Variants in OR56A3 observed in about 807,000 individuals in gnomAD.
OR56A3 encodes the protein olfactory receptor 56A3.
A neutral mutation model predicts 17.5 loss-of-function variants in OR56A3; 23 were observed. The ratio of observed to expected loss-of-function variants is 1.32; its 90% CI spans 0.95 to 1.87. OR56A3 has a LOEUF of 1.87. Among genes scored for constraint, OR56A3 ranks in the 40% most tolerant of loss-of-function variants. The pLI is 0.00. For synonymous variants in OR56A3, 175 were observed against 150.6 expected (o/e 1.16, Z -1.19); for missense variants, 366 against 380.1 (o/e 0.96, Z 0.31).
chr11:5,944,319 G>T (rs568877075), intron 1 of OR56A3, among the ~76,000 whole-genome samples: 31 of 152,298 alleles, frequency 2.0e-4, no homozygotes, highest in African/African-American at 7.5e-4. Flanking sequence ...TACAATAAAA[G>T]ACACAATACA....
At chr11:5,986,946 G>T in the OR56A3 span, 581 of 1,608,304 alleles carry the variant, frequency 3.6e-4, no homozygotes, top group Admixed American at 7.7e-4. Context: ...CTGCATTCCT[G>T]CTACATTATC....
At chr11:5,962,652 C>T in the OR56A3 span, among the ~76,000 whole-genome samples, 9 of 151,798 alleles carry the variant, frequency 5.9e-5, no homozygotes, top group South Asian at 1.9e-3. Flanking sequence ...CATTCTCCTG[C>T]CTCAGCCTCC....
Position 5,948,038 on chromosome 11 carries a change from G to C in OR56A3, c.692G>C (p.Arg231Thr). 6.2e-7 allele frequency: 1 copy of C among 1,614,206 alleles called. No individual in the cohort carries two copies. The highest frequency in any genetic ancestry group is 8.5e-7 in the Non-Finnish European group (1 of 1,180,046). The change falls in exon 3 of 3, where the codon AGA becomes ACA. Residue 231 changes from arginine to threonine, a missense_variant. Coordinates refer to ENST00000641160, the MANE Select transcript of OR56A3 (RefSeq NM_001003443.3). Reference protein sequence around the residue: ...SYTFILRAVLRLKAEGAVAKA... With the variant: ...SYTFILRAVLTLKAEGAVAKA... ...ACCTTCATTCTGCGAGCTGTGCTGAGACTCAAGGCAGAGGGTGCCGTGGCA... is the reference window on the plus strand; with the variant it reads ...ACCTTCATTCTGCGAGCTGTGCTGACACTCAAGGCAGAGGGTGCCGTGGCA...
At chr11:5,977,875 T>A in the OR56A3 span, among the ~76,000 whole-genome samples, 1 of 152,170 alleles carries the variant, frequency 6.6e-6, no homozygotes, top group Admixed American at 6.5e-5. Context: ...TCATCTTGAG[T>A]TGATTTTTTG....
the OR56A3 span, chr11:6,000,629 A>G: frequency 3.3e-5 from 5 of 152,190 alleles, no homozygotes; most frequent in East Asian, 3.8e-4. Context: ...AATAAAAAAT[A>G]AAAAAACCTG....
At chr11:5,945,843 C>G (rs1847866591) in intron 2 of OR56A3, among the ~76,000 whole-genome samples, 1 of 152,056 alleles carries the variant, frequency 6.6e-6, no homozygotes, top group South Asian at 2.1e-4. Flanking sequence ...CAAAAATAAC[C>G]ATATAATTTT....
chr11:5,986,111 T>G, the OR56A3 span: 1 of 1,613,816 alleles, frequency 6.2e-7, no homozygotes. Context: ...AAGGAGAAAA[T>G]TCCAGGGACA....
the OR56A3 span, chr11:5,994,311 G>A: frequency 2.1e-4 from 140 of 658,678 alleles, no homozygotes; most frequent in South Asian, 1.4e-3. Context: ...CGACCTTGGC[G>A]GACTGCATGT....
the OR56A3 span, among the ~76,000 whole-genome samples, chr11:6,004,874 G>A: frequency 6.6e-6 from 1 of 152,172 alleles, no homozygotes. Flanking sequence ...GCTAAAGACA[G>A]CAGTACGTTG....
the OR56A3 span, among the ~76,000 whole-genome samples, chr11:5,977,856 G>C: frequency 0.26 from 39,979 of 152,072 alleles, 5,575 homozygotes; most frequent in East Asian, 0.46. Flanking sequence ...TTATACTCAA[G>C]TCTTTAATTC....
At chr11:5,975,822 C>T in the OR56A3 span, among the ~76,000 whole-genome samples, 1 of 151,976 alleles carries the variant, frequency 6.6e-6, no homozygotes, top group African/African-American at 2.4e-5. Flanking sequence ...ACAGTCTCAC[C>T]AACAGTGTAA....
Position 5,947,921 on chromosome 11 carries a change from C to T in OR56A3, c.575C>T (p.Ser192Phe), listed in dbSNP as rs1441623497. The T allele has an allele frequency of 6.2e-7, 1 of 1,614,178 alleles. No homozygotes were observed. The highest frequency in any genetic ancestry group is 8.5e-7 in the Non-Finnish European group (1 of 1,179,994). Residue 192 changes from serine (S) to phenylalanine (F), a missense_variant, in exon 3 of 3, where the codon TCC (serine) becomes TTC (phenylalanine). Coordinates refer to ENST00000641160, the MANE Select transcript of OR56A3 (RefSeq NM_001003443.3). ...ICANMSVSRLSCDDVTINHLY... is the reference protein window; with the variant it reads ...ICANMSVSRLFCDDVTINHLY... ...GCCAATATGTCTGTTTCCAGACTCT[C>T]CTGCGATGATGTCACCATCAATCAC...
chr11:5,960,699 A>C, the OR56A3 span, among the ~76,000 whole-genome samples: 2 of 151,804 alleles, frequency 1.3e-5, no homozygotes, highest in Non-Finnish European at 2.9e-5. Context: ...GGAAGTGAGG[A>C]GCGTCTCTGC....
chr11:5,978,001 A>G, the OR56A3 span, among the ~76,000 whole-genome samples: 3 of 152,210 alleles, frequency 2.0e-5, no homozygotes, highest in Non-Finnish European at 4.4e-5. Context: ...ACTTTGTTGA[A>G]GATAAACTGG....
the OR56A3 span, among the ~76,000 whole-genome samples, chr11:5,961,021 G>T: frequency 1.3e-5 from 2 of 150,778 alleles, no homozygotes; most frequent in African/African-American, 4.9e-5. Flanking sequence ...GAGCCCCTCC[G>T]CCCGGCAGCC....
chr11:5,952,395 A>G (rs932945849), downstream of OR56A3, among the ~76,000 whole-genome samples: 5 of 152,354 alleles, frequency 3.3e-5, no homozygotes, highest in South Asian at 6.2e-4. Context: ...AAAGCCCTTC[A>G]TCAGAAAGAA....
chr11:6,007,692 A>G, the OR56A3 span, among the ~76,000 whole-genome samples: 1 of 152,214 alleles, frequency 6.6e-6, no homozygotes, highest in Non-Finnish European at 1.5e-5. Context: ...TTCTTTCAGG[A>G]TAATTTCTCT....
the OR56A3 span, chr11:6,002,835 T>A: frequency 2.4e-5 from 38 of 1,613,982 alleles, no homozygotes; most frequent in Non-Finnish European, 3.2e-5. Context: ...GGCCTCCAGC[T>A]GGATGGTGAT....
chr11:5,948,434 C>A lies in OR56A3; in HGVS notation c.*140C>A, dbSNP rs558962535. ...TATTGTGTGTGCTTTTCAAAAACATCGGTTTTAATTTAAGTCTATCTTCCT... is the reference window on the plus strand; with the variant it reads ...TATTGTGTGTGCTTTTCAAAAACATAGGTTTTAATTTAAGTCTATCTTCCT... On this transcript the variant is annotated 3_prime_UTR_variant, in exon 3 of 3. Transcript: ENST00000641160. The A allele has an allele frequency of 5.0e-6, 3 of 601,166 alleles. No individual in the cohort carries two copies. Among genetic ancestry groups the A allele is most frequent in the African/African-American group, 1.9e-5 (1 of 54,030 alleles). The allele number at this position is 601,166 out of a possible 1,614,324, so 37.2% of individuals were successfully genotyped here. A position where few individuals can be genotyped will look rare whatever the true frequency, so the allele number is the denominator to read the frequency against.
Sources: gnomAD v4.1 joint callset for allele counts (sites outside exome capture counted in the v4.1 genomes callset) on GRCh38, gnomAD v4.1.1 for gene constraint, MANE v1.5 for transcripts, NCBI Gene and HGNC (gene_info 2026-07-23, HGNC 2026-07-21) for gene names.